ANO2: variants seen among roughly 807,000 people sequenced by gnomAD.
The protein encoded by ANO2 is anoctamin 2.
In ANO2, 101 loss-of-function variants were observed where a neutral mutation model predicts 124.2. The ratio of observed to expected loss-of-function variants is 0.81; its 90% CI spans 0.69 to 0.96. The LOEUF (loss-of-function observed/expected upper bound fraction) is 0.96, where lower values mean the gene tolerates loss of function less well. Ranked by LOEUF, ANO2 falls within the 40% of genes least tolerant of loss-of-function variation. The pLI, the probability that ANO2 is intolerant of heterozygous loss-of-function variation, is 0.00. For synonymous variants in ANO2, 486 were observed against 482.5 expected (o/e 1.01, Z -0.09); for missense variants, 1,293 against 1,274.5 (o/e 1.01, Z -0.22).
At chr12:5,675,810 C>T (rs1948216173) in intron 14 of ANO2, among the ~76,000 whole-genome samples, 1 of 152,194 alleles carries the variant, frequency 6.6e-6, no homozygotes, top group Non-Finnish European at 1.5e-5. Flanking sequence ...GCATTCTCAT[C>T]TGCTGTGGCC....
At chr12:5,645,738 T>C (rs1027704817) in intron 15 of ANO2, among the ~76,000 whole-genome samples, 3 of 152,232 alleles carry the variant, frequency 2.0e-5, no homozygotes, top group East Asian at 3.8e-4. Flanking sequence ...TTTGACTGTG[T>C]TCTCTTTATT....
intron 10 of ANO2, among the ~76,000 whole-genome samples, chr12:5,786,162 T>C (rs1288407357): frequency 6.6e-6 from 1 of 152,126 alleles, no homozygotes; most frequent in Non-Finnish European, 1.5e-5. Flanking sequence ...CTGGTTCAAC[T>C]TGACCCCCCT....
intron 14 of ANO2, among the ~76,000 whole-genome samples, chr12:5,672,469 G>T (rs1194084238): frequency 1.3e-5 from 2 of 152,148 alleles, no homozygotes; most frequent in African/African-American, 4.8e-5. Context: ...AAGTCCTTAG[G>T]TTGGAGAATC....
chr12:5,742,688 T>C (rs1462006526), intron 12 of ANO2, among the ~76,000 whole-genome samples: 2 of 152,118 alleles, frequency 1.3e-5, no homozygotes, highest in African/African-American at 2.4e-5. Flanking sequence ...AACTCAATGG[T>C]GGTAATATCT....
At chr12:5,827,733 C>A in intron 7 of ANO2, 36 bp downstream of exon 7, 1 of 1,596,518 alleles carries the variant, frequency 6.3e-7, no homozygotes, top group East Asian at 2.3e-5. Flanking sequence ...CGCCTCAGCG[C>A]CCGTCAGCAC....
intron 10 of ANO2, among the ~76,000 whole-genome samples, chr12:5,778,547 T>C (rs1952296138): frequency 6.6e-6 from 1 of 152,192 alleles, no homozygotes; most frequent in South Asian, 2.1e-4. Flanking sequence ...ATCTAACATA[T>C]CTGAAATCAA....
At chr12:5,579,221 T>C (rs1295465511) in intron 20 of ANO2, among the ~76,000 whole-genome samples, 1 of 152,250 alleles carries the variant, frequency 6.6e-6, no homozygotes, top group East Asian at 1.9e-4. Flanking sequence ...TGTTCTGGCC[T>C]GCAAGAAGCT....
chr12:5,644,645 A>G (rs977735145), intron 15 of ANO2, among the ~76,000 whole-genome samples: 1 of 152,156 alleles, frequency 6.6e-6, no homozygotes, highest in African/African-American at 2.4e-5. Flanking sequence ...GTTTTCTCAC[A>G]TATTTACCAC....
At chr12:5,659,688 T>A (rs1272990679) in intron 14 of ANO2, among the ~76,000 whole-genome samples, 1 of 152,184 alleles carries the variant, frequency 6.6e-6, no homozygotes, top group Non-Finnish European at 1.5e-5. Context: ...GCTCCCCTTC[T>A]CCCCTCCTGG....
At chr12:5,835,509 A>G (rs1002116986) in intron 4 of ANO2, among the ~76,000 whole-genome samples, 1 of 152,218 alleles carries the variant, frequency 6.6e-6, no homozygotes, top group African/African-American at 2.4e-5. Flanking sequence ...TATACGATTT[A>G]CTAAGCATCT....
At chr12:5,774,207 C>A (rs549654420) in intron 10 of ANO2, among the ~76,000 whole-genome samples, 5 of 152,178 alleles carry the variant, frequency 3.3e-5, no homozygotes, top group Non-Finnish European at 7.3e-5. Flanking sequence ...ATAATCCCAG[C>A]ACTTTGGGAG....
intron 4 of ANO2, among the ~76,000 whole-genome samples, chr12:5,834,721 A>C (rs1462272155): frequency 6.6e-6 from 1 of 152,224 alleles, no homozygotes; most frequent in Non-Finnish European, 1.5e-5. Context: ...GTAAACGAAC[A>C]AGCTTAAAAC....
chr12:5,665,530 T>C (rs997961467), intron 14 of ANO2, among the ~76,000 whole-genome samples: 1 of 152,224 alleles, frequency 6.6e-6, no homozygotes, highest in African/African-American at 2.4e-5. Flanking sequence ...CAACCAGCAA[T>C]GAGCACTCCT....
Position 5,799,533 on chromosome 12 carries a change from A to G in ANO2, c.1029T>C (p.Tyr343=). The change falls in exon 10 of 25, where the codon TAT becomes TAC. Residue 343 remains tyrosine, a synonymous_variant. Transcript: ENST00000682330. The part of the protein sequence containing the change: ...YQEWARYGVF[Y]KFQPIDLIRK... ...TGATGAGGTCAATAGGTTGGAACTTATAGAACACTCCATAGCGCGCCCATT... is the reference window on the plus strand; with the variant it reads ...TGATGAGGTCAATAGGTTGGAACTTGTAGAACACTCCATAGCGCGCCCATT... 1 of 1,613,968 alleles carries G rather than the reference A, an allele frequency of 6.2e-7. No homozygotes were observed. Among genetic ancestry groups the G allele is most frequent in the Non-Finnish European group, 8.5e-7 (1 of 1,179,856 alleles).
At chr12:5,919,081 T>TA (rs547837137) in intron 3 of ANO2, among the ~76,000 whole-genome samples, 28 of 151,846 alleles carry the variant, frequency 1.8e-4, no homozygotes, top group African/African-American at 6.5e-4. Context: ...GGAGCACAGA[T>TA]AAAAAACAAA....
intron 1 of ANO2, among the ~76,000 whole-genome samples, chr12:5,936,018 A>C: frequency 6.6e-6 from 1 of 152,226 alleles, no homozygotes; most frequent in East Asian, 1.9e-4. Context: ...TTACGTGCTT[A>C]CTAGCAATTT....
chr12:5,832,222 G>A (rs1367676022), intron 5 of ANO2, among the ~76,000 whole-genome samples: 1 of 152,182 alleles, frequency 6.6e-6, no homozygotes, highest in Non-Finnish European at 1.5e-5. Flanking sequence ...TGGTGAAATG[G>A]TGGATTTCCT....
At chr12:5,739,596 TACACACACACACAC>T (rs71064167) in intron 12 of ANO2, among the ~76,000 whole-genome samples, 197 bp from the exon 13 acceptor site, 7 of 145,080 alleles carry the variant, frequency 4.8e-5, no homozygotes, top group Non-Finnish European at 1.5e-5. Flanking sequence ...ATAGATATGT[TACACACACACACAC>T]ACACACACAC....
intron 14 of ANO2, among the ~76,000 whole-genome samples, chr12:5,705,395 C>T (rs1457042969): frequency 6.6e-6 from 1 of 152,224 alleles, no homozygotes; most frequent in African/African-American, 2.4e-5. Context: ...ACAAGGGCAG[C>T]AGACTTCTGT....
Sources: allele counts gnomAD v4.1 joint callset (sites outside exome capture counted in the v4.1 genomes callset), GRCh38; gene constraint gnomAD v4.1.1; transcripts MANE v1.5; gene names NCBI Gene and HGNC (gene_info 2026-07-23, HGNC 2026-07-21).